GABRB1: variants seen among roughly 807,000 people sequenced by gnomAD.
The protein encoded by GABRB1 is gamma-aminobutyric acid type A receptor subunit beta1, also known as gamma-aminobutyric acid receptor subunit beta-1.
In GABRB1, 17 loss-of-function variants were observed where a neutral mutation model predicts 51.6. That is an observed-to-expected ratio of 0.33 (90% confidence interval 0.23 to 0.49). The LOEUF is 0.49. GABRB1 is among the 20% of genes least tolerant of loss of function. The probability of loss-of-function intolerance (pLI) is 0.99; values close to 1 mark genes in which losing one functional copy is unlikely to be tolerated. For synonymous variants in GABRB1, 247 were observed against 218.9 expected, an observed-to-expected ratio of 1.13 and a Z score of -1.14; for missense variants, 410 against 600.6, an observed-to-expected ratio of 0.68 and a Z score of 3.32.
intron 4 of GABRB1, among the ~76,000 whole-genome samples, chr4:47,264,445 A>G (rs1722570159): frequency 6.6e-6 from 1 of 152,246 alleles, no homozygotes; most frequent in African/African-American, 2.4e-5. Context: ...TGGAACATCC[A>G]GTATCCATTA....
chr4:47,285,090 T>G (rs1351577517), intron 4 of GABRB1, among the ~76,000 whole-genome samples: 1 of 152,198 alleles, frequency 6.6e-6, no homozygotes, highest in Non-Finnish European at 1.5e-5. Context: ...CAGCCTAGAT[T>G]CTGAAATAAA....
chr4:47,425,377 CCACACACACA>C (rs34275303), intron 8 of GABRB1, among the ~76,000 whole-genome samples: 34 of 138,388 alleles, frequency 2.5e-4, no homozygotes, highest in East Asian at 8.4e-4. Flanking sequence ...AGAAGAAATA[CCACACACACA>C]CACACACACA....
At chr4:47,225,931 G>T (rs547563432) in intron 4 of GABRB1, among the ~76,000 whole-genome samples, 2 of 152,088 alleles carry the variant, frequency 1.3e-5, no homozygotes, top group African/African-American at 4.8e-5. Context: ...TTTAAATAGG[G>T]TTAAATCTAA....
intron 4 of GABRB1, among the ~76,000 whole-genome samples, chr4:47,261,139 C>G (rs1722421206): frequency 6.6e-6 from 1 of 152,142 alleles, no homozygotes; most frequent in African/African-American, 2.4e-5. Flanking sequence ...AAAACTGGCA[C>G]AAGACAGGGA....
intron 3 of GABRB1, among the ~76,000 whole-genome samples, chr4:47,114,385 C>T (rs1715377675): frequency 6.6e-6 from 1 of 152,118 alleles, no homozygotes; most frequent in South Asian, 2.1e-4. Flanking sequence ...TCTCTCTGGT[C>T]TTGGTGTCCC....
At chr4:47,279,752 T>C (rs1214492879) in intron 4 of GABRB1, among the ~76,000 whole-genome samples, 1 of 152,082 alleles carries the variant, frequency 6.6e-6, no homozygotes, top group East Asian at 1.9e-4. Flanking sequence ...TTGGTTCTCA[T>C]TGGCTTTGAA....
At chr4:47,312,293 T>A (rs1227284062) in intron 4 of GABRB1, among the ~76,000 whole-genome samples, 1 of 152,138 alleles carries the variant, frequency 6.6e-6, no homozygotes, top group African/African-American at 2.4e-5. Context: ...TGTCTCACGC[T>A]CCCAGGATTT....
chr4:47,140,763 GT>G (rs201968497), intron 3 of GABRB1, among the ~76,000 whole-genome samples: 132 of 134,162 alleles, frequency 9.8e-4, no homozygotes, highest in East Asian at 2.2e-3. Flanking sequence ...GTTGTTTTTT[GT>G]TTTTTTTTTT....
rs535613270 is a variant in GABRB1, at chr4:47,345,336, G to A, written c.544+25127G>A. ...GAGTTTTCAAGCAGTAAAGGAGATA[G>A]GCACTTGTCAAAGACTTACACCAAT... On this transcript the variant is annotated intron_variant, in intron 5 of 8. Transcript: ENST00000295454. Among the ~76,000 whole-genome samples, 18 of 152,254 alleles carry A rather than the reference G, an allele frequency of 1.2e-4. 1 individual carries two copies. Among genetic ancestry groups the A allele is most frequent in the African/African-American group, 4.3e-4 (18 of 41,552 alleles).
rs749396227 is a variant in GABRB1, at chr4:47,425,987, A to G, written c.1394A>G (p.Asn465Ser). The G allele has an allele frequency of 1.2e-6, 2 of 1,604,792 alleles. No individual in the cohort carries two copies. The highest frequency in any genetic ancestry group is 1.1e-5 in the South Asian group (1 of 89,574). Residue 465 changes from asparagine to serine, a missense_variant, in exon 9 of 9, where the codon AAT becomes AGT. By Grantham distance (46) the Asn-to-Ser change is conservative (BLOSUM62 1). Transcript: ENST00000295454. Reference sequence around the variant, plus strand: ...TTCCCCATCACCTTTTCTCTTTTTAATGTCGTCTATTGGCTTTACTATGTA... The same window carrying G: ...TTCCCCATCACCTTTTCTCTTTTTAGTGTCGTCTATTGGCTTTACTATGTA... ...MFFPITFSLF[N>S]VVYWLYYVH
chr4:47,371,314 C>T (rs1034253111), intron 5 of GABRB1, among the ~76,000 whole-genome samples: 15 of 152,140 alleles, frequency 9.9e-5, no homozygotes, highest in Non-Finnish European at 2.1e-4. Flanking sequence ...ATATGTACCA[C>T]ATTTTCTTTA....
chr4:47,371,579 C>G (rs1727198545), intron 5 of GABRB1, among the ~76,000 whole-genome samples: 1 of 152,152 alleles, frequency 6.6e-6, no homozygotes, highest in African/African-American at 2.4e-5. Context: ...TCCTTTTTCT[C>G]CACAACCTCA....
At chr4:47,055,414 T>G (rs1174525897) in intron 3 of GABRB1, among the ~76,000 whole-genome samples, 1 of 152,202 alleles carries the variant, frequency 6.6e-6, no homozygotes, top group Non-Finnish European at 1.5e-5. Context: ...AGCTCAGTAG[T>G]GGGCTTTTTA....
chr4:47,125,746 G>A (rs1373428631), intron 3 of GABRB1, among the ~76,000 whole-genome samples: 9 of 146,634 alleles, frequency 6.1e-5, no homozygotes, highest in Non-Finnish European at 9.0e-5. Context: ...TAGTAGAGAC[G>A]GGGTTTCACC....
At chr4:47,158,012 A>G (rs1285230699) in intron 3 of GABRB1, among the ~76,000 whole-genome samples, 1 of 152,070 alleles carries the variant, frequency 6.6e-6, no homozygotes, top group Non-Finnish European at 1.5e-5. Context: ...TTTTTACTCA[A>G]TATGTATTGA....
chr4:47,403,205 A>T, intron 5 of GABRB1, 113 bp from the exon 6 acceptor site: 1 of 1,144,286 alleles, frequency 8.7e-7, no homozygotes, highest in Non-Finnish European at 1.3e-6. Context: ...ACCCTAGTTT[A>T]AAGCAATGCC....
chr4:47,340,219 G>A (rs1399104677), intron 5 of GABRB1, among the ~76,000 whole-genome samples: 2 of 151,966 alleles, frequency 1.3e-5, no homozygotes, highest in African/African-American at 2.4e-5. Context: ...AGCAAGGAAG[G>A]TGTTGTAATA....
chr4:47,311,411 C>CAAAAAAAA (rs71276540), intron 4 of GABRB1, among the ~76,000 whole-genome samples: 1 of 46,368 alleles, frequency 2.2e-5, no homozygotes, highest in Non-Finnish European at 4.6e-5. Context: ...GACTCTGTCT[C>CAAAAAAAA]AAAAAAAAAA....
intron 4 of GABRB1, among the ~76,000 whole-genome samples, chr4:47,236,968 T>A (rs1413757431): frequency 6.6e-6 from 1 of 152,062 alleles, no homozygotes; most frequent in Non-Finnish European, 1.5e-5. Context: ...ATATAAAAGG[T>A]ACAAGTATTG....
Sources: gnomAD v4.1 joint callset for allele counts (sites outside exome capture counted in the v4.1 genomes callset) on GRCh38, gnomAD v4.1.1 for gene constraint, MANE v1.5 for transcripts, NCBI Gene and HGNC (gene_info 2026-07-23, HGNC 2026-07-21) for gene names.